Variants in RIT2 observed in about 807,000 individuals in gnomAD.
RIT2 encodes GTP-binding protein Rit2.
RIT2 carries 24 observed loss-of-function variants against 23.7 expected under a neutral mutation model. That is an observed-to-expected ratio of 1.01 (90% CI 0.73 to 1.43). The LOEUF is 1.43. RIT2 is among the 40% of genes most tolerant of loss of function. The probability of loss-of-function intolerance (pLI) is 0.00; values close to 1 mark genes in which losing one functional copy is unlikely to be tolerated. For synonymous variants in RIT2, 107 were observed against 91.1 expected, an observed-to-expected ratio of 1.17 and a Z score of -0.99; for missense variants, 236 against 266.9, an observed-to-expected ratio of 0.88 and a Z score of 0.81.
At chr18:43,000,722 AC>A (rs1343102577) in intron 2 of RIT2, among the ~76,000 whole-genome samples, 2 of 151,320 alleles carry the variant, frequency 1.3e-5, no homozygotes, top group East Asian at 2.0e-4. Context: ...CCCCACTCCC[AC>A]CCCCCTGCAG....
intron 1 of RIT2, among the ~76,000 whole-genome samples, chr18:43,103,325 T>A (rs1293392055): frequency 1.3e-5 from 2 of 152,172 alleles, no homozygotes; most frequent in Non-Finnish European, 1.5e-5. Flanking sequence ...TTTTGAAGAT[T>A]TACTCCCATA....
intron 4 of RIT2, among the ~76,000 whole-genome samples, chr18:42,832,865 C>T (rs145545196): frequency 0.11 from 15,964 of 151,720 alleles, 980 homozygotes; most frequent in Middle Eastern, 0.24. Context: ...CCAGCCTGGC[C>T]AACAAGGCGA....
chr18:43,104,594 C>T (rs1002269811), intron 1 of RIT2, among the ~76,000 whole-genome samples: 1 of 151,930 alleles, frequency 6.6e-6, no homozygotes, highest in Non-Finnish European at 1.5e-5. Context: ...CTGAGGTATT[C>T]CAGACTTCTG....
intron 1 of RIT2, among the ~76,000 whole-genome samples, chr18:43,037,610 TAATA>T (rs1377171080): frequency 1.3e-5 from 2 of 152,140 alleles, no homozygotes; most frequent in Non-Finnish European, 2.9e-5. Flanking sequence ...AAATTGAATA[TAATA>T]AATCTTCATC....
At chr18:42,786,614 C>T (rs1002905765) in intron 4 of RIT2, among the ~76,000 whole-genome samples, 1 of 152,024 alleles carries the variant, frequency 6.6e-6, no homozygotes, top group African/African-American at 2.4e-5. Flanking sequence ...GATCTTAATT[C>T]TCGGGACTGA....
At chr18:42,865,888 A>G (rs1568016305) in intron 4 of RIT2, among the ~76,000 whole-genome samples, 1 of 152,134 alleles carries the variant, frequency 6.6e-6, no homozygotes, top group East Asian at 1.9e-4. Context: ...TGTTTTACCA[A>G]TGTCTTCAGG....
chr18:43,025,955 CT>C (rs1409306015), intron 2 of RIT2, among the ~76,000 whole-genome samples: 20 of 150,512 alleles, frequency 1.3e-4, no homozygotes, highest in African/African-American at 4.8e-4. Flanking sequence ...TGAAACAAAA[CT>C]GCATTATTAC....
intron 4 of RIT2, among the ~76,000 whole-genome samples, chr18:42,755,085 G>A (rs1223741232): frequency 6.6e-6 from 1 of 151,994 alleles, no homozygotes; most frequent in Non-Finnish European, 1.5e-5. Context: ...TCACATGAAA[G>A]GCACTTATAG....
chr18:42,775,178 T>C (rs946144087), intron 4 of RIT2, among the ~76,000 whole-genome samples: 1 of 152,162 alleles, frequency 6.6e-6, no homozygotes, highest in African/African-American at 2.4e-5. Context: ...TTCTGTTCAT[T>C]GTAGCCACTC....
intron 3 of RIT2, among the ~76,000 whole-genome samples, chr18:42,929,551 T>C (rs1277800185): frequency 6.6e-6 from 1 of 152,142 alleles, no homozygotes; most frequent in African/African-American, 2.4e-5. Context: ...ACTATAATGA[T>C]GGCTCCTGGA....
At chr18:43,089,934 G>A (rs1345828959) in intron 1 of RIT2, among the ~76,000 whole-genome samples, 1 of 151,916 alleles carries the variant, frequency 6.6e-6, no homozygotes, top group Non-Finnish European at 1.5e-5. Context: ...ACTATAAAAA[G>A]CTTGGAAGAC....
intron 4 of RIT2, among the ~76,000 whole-genome samples, chr18:42,848,742 G>A (rs1906972974): frequency 6.6e-6 from 1 of 151,640 alleles, no homozygotes; most frequent in Non-Finnish European, 1.5e-5. Flanking sequence ...AAAGCACATT[G>A]TGAAGTTTTT....
At chr18:42,747,876 C>A (rs1598638499) in intron 4 of RIT2, among the ~76,000 whole-genome samples, 1 of 151,946 alleles carries the variant, frequency 6.6e-6, no homozygotes, top group East Asian at 1.9e-4. Flanking sequence ...TCACCTTATA[C>A]AAAAATCAAA....
chr18:42,880,219 C>T (rs1383534116), intron 4 of RIT2, among the ~76,000 whole-genome samples: 1 of 152,116 alleles, frequency 6.6e-6, no homozygotes, highest in African/African-American at 2.4e-5. Context: ...AGCAACTCTC[C>T]TGTTTGTGCC....
intron 1 of RIT2, among the ~76,000 whole-genome samples, chr18:43,047,728 A>G (rs1049100531): frequency 6.6e-6 from 1 of 152,200 alleles, no homozygotes; most frequent in African/African-American, 2.4e-5. Flanking sequence ...GCTCAGAGAG[A>G]TGGAACATGC....
chr18:42,790,303 C>T (rs1914013126), intron 4 of RIT2, among the ~76,000 whole-genome samples: 1 of 152,146 alleles, frequency 6.6e-6, no homozygotes, highest in African/African-American at 2.4e-5. Flanking sequence ...TAACACCCGA[C>T]TGAGCAGATG....
chr18:43,073,203 C>T (rs1245087043), intron 1 of RIT2, among the ~76,000 whole-genome samples: 1 of 152,202 alleles, frequency 6.6e-6, no homozygotes, highest in East Asian at 1.9e-4. Context: ...AATGACAGCT[C>T]ATCATCTCAT....
chr18:42,908,470 C>T (rs1403548015), intron 4 of RIT2, among the ~76,000 whole-genome samples: 2 of 152,068 alleles, frequency 1.3e-5, no homozygotes, highest in Non-Finnish European at 2.9e-5. Context: ...CTAGGTTAAA[C>T]CTAAAACTAC....
chr18:42,857,212 A>G (rs1907210757), intron 4 of RIT2, among the ~76,000 whole-genome samples: 1 of 152,172 alleles, frequency 6.6e-6, no homozygotes, highest in African/African-American at 2.4e-5. Context: ...CACAAACTAC[A>G]AGGTCACGTT....
Sources: allele counts gnomAD v4.1 joint callset (sites outside exome capture counted in the v4.1 genomes callset), GRCh38; gene constraint gnomAD v4.1.1; transcripts MANE v1.5; gene names NCBI Gene and HGNC (gene_info 2026-07-23, HGNC 2026-07-21).